The following GRM7 variants were observed in gnomAD, a reference collection of about 807,000 sequenced individuals.
The protein encoded by GRM7 is metabotropic glutamate receptor 7.
A neutral mutation model predicts 84.5 loss-of-function variants in GRM7; 35 were observed. That is an observed-to-expected ratio of 0.41 (90% CI 0.32 to 0.55). GRM7 has a LOEUF of 0.55. Among genes scored for constraint, GRM7 ranks in the 20% least tolerant of loss-of-function variants. The pLI is 0.19. For missense variants in GRM7, 1,003 were observed against 1,194.6 expected (o/e 0.84, Z 2.36); for synonymous variants, 487 against 455.1 (o/e 1.07, Z -0.89).
intron 1 of GRM7, among the ~76,000 whole-genome samples, chr3:6,896,329 T>C (rs1696181839): frequency 6.6e-6 from 1 of 152,180 alleles, no homozygotes; most frequent in African/African-American, 2.4e-5. Context: ...TTATGTGTCT[T>C]CTAAGCCAAG....
chr3:7,445,033 C>T (rs1257512412), intron 5 of GRM7, among the ~76,000 whole-genome samples: 2 of 152,124 alleles, frequency 1.3e-5, no homozygotes, highest in Non-Finnish European at 2.9e-5. Flanking sequence ...TGTTTTCTTC[C>T]TTCCTCTGCT....
intron 2 of GRM7, among the ~76,000 whole-genome samples, chr3:7,178,995 A>C (rs751258629): frequency 6.6e-6 from 1 of 152,036 alleles, no homozygotes; most frequent in African/African-American, 2.4e-5. Flanking sequence ...AATCCTAGTT[A>C]CTCGGGAGGC....
chr3:7,177,022 C>G (rs190187845), intron 2 of GRM7, among the ~76,000 whole-genome samples: 4 of 152,280 alleles, frequency 2.6e-5, no homozygotes, highest in Admixed American at 2.6e-4. Flanking sequence ...GTAAGCTTGT[C>G]AGTCTTTTCA....
chr3:7,531,262 G>A (rs898006829), intron 7 of GRM7, among the ~76,000 whole-genome samples: 2 of 152,078 alleles, frequency 1.3e-5, no homozygotes, highest in East Asian at 1.9e-4. Flanking sequence ...TAGATTTGTG[G>A]CATTATATCT....
intron 2 of GRM7, among the ~76,000 whole-genome samples, chr3:7,187,623 G>C (rs115904614): frequency 6.6e-6 from 1 of 151,966 alleles, no homozygotes; most frequent in South Asian, 2.1e-4. Flanking sequence ...CCCATAGACA[G>C]AAAGTAGCAG....
At chr3:7,725,273 A>G (rs1046475737) in intron 9 of GRM7, among the ~76,000 whole-genome samples, 1 of 152,178 alleles carries the variant, frequency 6.6e-6, no homozygotes. Flanking sequence ...AGAAACAGCC[A>G]TCTTTGGGAA....
chr3:7,501,090 T>C (rs1227277948), intron 7 of GRM7, among the ~76,000 whole-genome samples: 1 of 152,224 alleles, frequency 6.6e-6, no homozygotes, highest in Non-Finnish European at 1.5e-5. Context: ...TTATTGACTA[T>C]ATAGAGTGTT....
chr3:7,196,578 G>A (rs767273534), intron 2 of GRM7, among the ~76,000 whole-genome samples: 4 of 152,030 alleles, frequency 2.6e-5, no homozygotes, highest in Non-Finnish European at 2.9e-5. Flanking sequence ...CCCTCTGCCC[G>A]AAATGGCCTT....
intron 3 of GRM7, among the ~76,000 whole-genome samples, chr3:7,300,622 G>C (rs564855224): frequency 6.6e-6 from 1 of 152,124 alleles, no homozygotes; most frequent in African/African-American, 2.4e-5. Context: ...CACTGCCGTG[G>C]TATGATCTCC....
At chr3:7,568,873 C>G (rs1323372803) in intron 7 of GRM7, among the ~76,000 whole-genome samples, 3 of 151,782 alleles carry the variant, frequency 2.0e-5, no homozygotes, top group Non-Finnish European at 4.4e-5. Flanking sequence ...TGCCTGAGCG[C>G]CCCCCCTCCA....
intron 2 of GRM7, among the ~76,000 whole-genome samples, chr3:7,179,148 T>C (rs907522522): frequency 1.3e-5 from 2 of 152,076 alleles, no homozygotes; most frequent in Non-Finnish European, 2.9e-5. Flanking sequence ...GAAACAAACA[T>C]AGTACACTGC....
At chr3:7,435,847 C>T (rs971429276) in intron 5 of GRM7, among the ~76,000 whole-genome samples, 1 of 144,366 alleles carries the variant, frequency 6.9e-6, no homozygotes, top group Non-Finnish European at 1.5e-5. Context: ...GCCACCACAC[C>T]CATCTTTTTT....
At chr3:7,471,154 A>T (rs1312256589) in intron 7 of GRM7, among the ~76,000 whole-genome samples, 1 of 152,000 alleles carries the variant, frequency 6.6e-6, no homozygotes, top group Non-Finnish European at 1.5e-5. Flanking sequence ...CTGATACAAG[A>T]ATGCATATGA....
chr3:7,298,924 C>G, intron 3 of GRM7, 99 bp downstream of exon 3: 2 of 1,101,044 alleles, frequency 1.8e-6, no homozygotes, highest in Non-Finnish European at 1.4e-6. Flanking sequence ...AGCATAAGAT[C>G]AAAGCTGTAA....
chr3:7,665,908 A>G (rs1299087730), intron 8 of GRM7, among the ~76,000 whole-genome samples: 1 of 152,170 alleles, frequency 6.6e-6, no homozygotes, highest in Non-Finnish European at 1.5e-5. Context: ...TAGGACTTTT[A>G]TATGTGCACC....
chr3:7,443,432 T>C (rs542928571), intron 5 of GRM7, among the ~76,000 whole-genome samples: 41 of 152,298 alleles, frequency 2.7e-4, no homozygotes, highest in African/African-American at 9.1e-4. Context: ...AAATTTTTTT[T>C]TTCACATCAG....
intron 7 of GRM7, among the ~76,000 whole-genome samples, chr3:7,522,932 C>T (rs1195937072): frequency 6.6e-6 from 1 of 152,098 alleles, no homozygotes; most frequent in Non-Finnish European, 1.5e-5. Flanking sequence ...TCTCCTCTCT[C>T]CCTTTCTTTC....
At chr3:7,415,188 TC>T (rs1184953047) in intron 5 of GRM7, 25 bp downstream of exon 5, 1 of 1,601,810 alleles carries the variant, frequency 6.2e-7, no homozygotes, top group East Asian at 2.2e-5. Flanking sequence ...GTTGTCCTTC[TC>T]CTATTACTCT....
At chr3:7,189,179 T>C (rs1173728327) in intron 2 of GRM7, among the ~76,000 whole-genome samples, 2 of 152,188 alleles carry the variant, frequency 1.3e-5, no homozygotes, top group Non-Finnish European at 2.9e-5. Flanking sequence ...TGTGGACATG[T>C]ATGCATGTAT....
Sources: gnomAD v4.1 joint callset for allele counts (sites outside exome capture counted in the v4.1 genomes callset) on GRCh38, gnomAD v4.1.1 for gene constraint, MANE v1.5 for transcripts, NCBI Gene and HGNC (gene_info 2026-07-23, HGNC 2026-07-21) for gene names.